Variants in LARGE1 observed in about 807,000 individuals in gnomAD.
LARGE1 encodes the protein LARGE xylosyl- and glucuronyltransferase 1, also known as xylosyl- and glucuronyltransferase LARGE1.
A neutral mutation model predicts 87.6 loss-of-function variants in LARGE1; 43 were observed. That is an observed-to-expected ratio of 0.49 (90% CI 0.38 to 0.63). The LOEUF is 0.63. LARGE1 is among the 30% of genes least tolerant of loss of function. The pLI is 0.00. For synonymous variants in LARGE1, 434 were observed against 394.6 expected, an observed-to-expected ratio of 1.10 and a Z score of -1.18; for missense variants, 802 against 1,000.2, an observed-to-expected ratio of 0.80 and a Z score of 2.67.
the LARGE1 span, chr22:33,110,688 A>C: frequency 6.6e-6 from 1 of 152,226 alleles, no homozygotes; most frequent in South Asian, 2.1e-4. Context: ...TTTGGTTCCA[A>C]GTCCAAGTCC....
rs530099344 is a variant in LARGE1 at position 33,274,228 on chromosome 22, G to A, written c.*199C>T. On this transcript the variant is annotated 3_prime_UTR_variant, in exon 15 of 15. Transcript: ENST00000397394. ...GGCTGCATAGCTAACCTCTGGGAAT[G>A]CAGGGTTGTGGGGCAGAGAGGGACT... 9.7e-5 allele frequency: 62 copies of A among 640,038 alleles called. 2 individuals carry two copies. In the South Asian group the frequency reaches 1.0e-3, roughly 11 times the overall value. 39.6% of individuals were successfully genotyped at this position (640,038 alleles called of 1,614,324 possible).
chr22:33,280,069 C>T (rs902566996), intron 13 of LARGE1, among the ~76,000 whole-genome samples: 2 of 152,294 alleles, frequency 1.3e-5, no homozygotes, highest in South Asian at 2.1e-4. Context: ...GCAGTATTGA[C>T]ATCTAAGAGG....
chr22:33,561,726 T>C (rs2077868852), intron 6 of LARGE1, among the ~76,000 whole-genome samples: 1 of 152,182 alleles, frequency 6.6e-6, no homozygotes, highest in African/African-American at 2.4e-5. Context: ...TCTGAAAATC[T>C]TCCAGCTGTT....
At chr22:33,857,006 C>T (rs1285252614) in intron 1 of LARGE1, among the ~76,000 whole-genome samples, 2 of 152,168 alleles carry the variant, frequency 1.3e-5, no homozygotes, top group African/African-American at 4.8e-5. Context: ...TCTCAGTTCA[C>T]TGCAACCCTT....
At chr22:33,751,346 T>C (rs1003559739) in intron 2 of LARGE1, among the ~76,000 whole-genome samples, 8 of 152,040 alleles carry the variant, frequency 5.3e-5, no homozygotes, top group Admixed American at 3.3e-4. Context: ...CTGGGTGTGG[T>C]GGCACACGCC....
At chr22:33,409,388 G>A (rs1250366903) in intron 7 of LARGE1, among the ~76,000 whole-genome samples, 24 of 152,048 alleles carry the variant, frequency 1.6e-4, no homozygotes, top group Admixed American at 1.6e-3. Flanking sequence ...GCAACAATAG[G>A]GATGTAAATA....
chr22:33,258,844 C>T (rs1231132106), intron 11 of LARGE1, among the ~76,000 whole-genome samples: 4 of 151,642 alleles, frequency 2.6e-5, no homozygotes, highest in Non-Finnish European at 4.4e-5. Flanking sequence ...ACCTGCAGCA[C>T]CATGTAGGCC....
chr22:33,659,071 C>T (rs903920704), intron 2 of LARGE1, among the ~76,000 whole-genome samples: 2 of 152,204 alleles, frequency 1.3e-5, no homozygotes, highest in African/African-American at 2.4e-5. Flanking sequence ...TCCTCGGCAT[C>T]GCCCTGCTTC....
At chr22:33,210,613 C>T (rs558702866) in intron 11 of LARGE1, among the ~76,000 whole-genome samples, 13 of 152,388 alleles carry the variant, frequency 8.5e-5, no homozygotes, top group African/African-American at 2.9e-4. Context: ...CTTAAGTCAC[C>T]GGCAGACGTG....
chr22:33,516,020 C>T (rs930950977), intron 6 of LARGE1, among the ~76,000 whole-genome samples: 2 of 152,174 alleles, frequency 1.3e-5, no homozygotes, highest in African/African-American at 2.4e-5. Context: ...GCTTCACCAG[C>T]GTGAGAAGAG....
chr22:33,284,594 TG>T (rs1174089635), intron 12 of LARGE1, among the ~76,000 whole-genome samples: 1 of 152,002 alleles, frequency 6.6e-6, no homozygotes, highest in African/African-American at 2.4e-5. Flanking sequence ...TTTTTTTTTT[TG>T]GAGATGGAGT....
At chr22:33,209,716 G>C (rs1208104902) in intron 11 of LARGE1, among the ~76,000 whole-genome samples, 22 of 152,168 alleles carry the variant, frequency 1.4e-4, no homozygotes. Context: ...TGTAATCACA[G>C]CTCACTGCAG....
chr22:33,859,892 A>G (rs2063862970), intron 1 of LARGE1, among the ~76,000 whole-genome samples: 1 of 152,168 alleles, frequency 6.6e-6, no homozygotes, highest in South Asian at 2.1e-4. Context: ...AACAAATACT[A>G]TATCATTCCA....
intron 4 of LARGE1, among the ~76,000 whole-genome samples, chr22:33,610,920 C>G (rs1384161272): frequency 6.6e-6 from 1 of 152,208 alleles, no homozygotes; most frequent in Non-Finnish European, 1.5e-5. Flanking sequence ...AGATACATCT[C>G]AGGCTGCAGC....
chr22:33,885,194 GTTC>G (rs2064810229), intron 1 of LARGE1, among the ~76,000 whole-genome samples: 1 of 142,436 alleles, frequency 7.0e-6, no homozygotes, highest in Non-Finnish European at 1.5e-5. Flanking sequence ...AAGGGTGTGT[GTTC>G]CACAGGCGAT....
chr22:33,772,199 G>A (rs2085091588), intron 1 of LARGE1, among the ~76,000 whole-genome samples: 2 of 152,072 alleles, frequency 1.3e-5, no homozygotes, highest in South Asian at 4.2e-4. Context: ...CAGGTGTGGT[G>A]GCGGGCACCT....
At chr22:33,338,015 T>A (rs982333775) in intron 9 of LARGE1, among the ~76,000 whole-genome samples, 1 of 152,162 alleles carries the variant, frequency 6.6e-6, no homozygotes, top group Non-Finnish European at 1.5e-5. Context: ...AGTCCTTTAA[T>A]CTCACACAAG....
At chr22:33,127,514 T>A in the LARGE1 span, among the ~76,000 whole-genome samples, 1 of 152,238 alleles carries the variant, frequency 6.6e-6, no homozygotes, top group South Asian at 2.1e-4. Context: ...TCAAGCACCA[T>A]AAACAACAGA....
chr22:33,213,743 G>C (rs1480051558), intron 11 of LARGE1, among the ~76,000 whole-genome samples: 1 of 152,188 alleles, frequency 6.6e-6, no homozygotes, highest in African/African-American at 2.4e-5. Context: ...AAACTAAACA[G>C]ACTGCAGTAT....
Sources: allele counts gnomAD v4.1 joint callset (sites outside exome capture counted in the v4.1 genomes callset), GRCh38; gene constraint gnomAD v4.1.1; transcripts MANE v1.5; gene names NCBI Gene and HGNC (gene_info 2026-07-23, HGNC 2026-07-21).